TRPV5: variants seen among roughly 807,000 people sequenced by gnomAD.
TRPV5 encodes the protein calcium transport protein 2.
In TRPV5, 66 loss-of-function variants were observed where a neutral mutation model predicts 74.1. The observed-to-expected ratio is 0.89, with a 90% CI of 0.73 to 1.09. The LOEUF (loss-of-function observed/expected upper bound fraction) is 1.09. Ranked by LOEUF, TRPV5 falls within the 50% of genes least tolerant of loss-of-function variation. The pLI is 0.00. For missense variants in TRPV5, 936 were observed against 930.4 expected, an observed-to-expected ratio of 1.01 and a Z score of -0.08; for synonymous variants, 399 against 360.7, an observed-to-expected ratio of 1.11 and a Z score of -1.20.
intron 13 of TRPV5, 84 bp from the exon 14 acceptor site, chr7:142,909,680 C>A: frequency 7.0e-7 from 1 of 1,425,678 alleles, no homozygotes; most frequent in South Asian, 1.2e-5. Context: ...TAAAGGGAAC[C>A]AAAGGCAATC....
chr7:142,910,587 C>T (rs1795688316), intron 13 of TRPV5, among the ~76,000 whole-genome samples: 1 of 152,194 alleles, frequency 6.6e-6, no homozygotes, highest in African/African-American at 2.4e-5. Flanking sequence ...GGAGTGCAAT[C>T]TTCAAAATAG....
intron 8 of TRPV5, among the ~76,000 whole-genome samples, chr7:142,923,821 C>A (rs1795923115): frequency 6.6e-6 from 1 of 152,156 alleles, no homozygotes; most frequent in Non-Finnish European, 1.5e-5. Context: ...AAGAGACACA[C>A]AGGAAGGAGA....
chr7:142,930,021 A>G (rs767951956), intron 3 of TRPV5, 37 bp downstream of exon 3: 1 of 1,613,392 alleles, frequency 6.2e-7, no homozygotes, highest in East Asian at 2.2e-5. Flanking sequence ...CCTCCATCTC[A>G]AAGTTTCCAC....
chr7:142,931,030 T>TTA (rs1796083114), intron 1 of TRPV5, among the ~76,000 whole-genome samples: 1 of 146,784 alleles, frequency 6.8e-6, no homozygotes, highest in African/African-American at 2.5e-5. Context: ...TTTTTTTTTT[T>TTA]TTTTTTTTTT....
rs1418648542 is a variant in TRPV5, at chr7:142,910,807, G to A, written c.1789-1211C>T. Among the ~76,000 whole-genome samples, 2 of 152,162 alleles carry A rather than the reference G, an allele frequency of 1.3e-5. 1 individual carries two copies. The highest frequency in any genetic ancestry group is 1.3e-4 in the Admixed American group (2 of 15,276). ...CAGCCCCGTCCTTCCTCGGGTAACA[G>A]CACCCATTTTTCATTTAGGGAATTG... On this transcript the variant is annotated intron_variant, in intron 13 of 14. Coordinates refer to ENST00000265310, the MANE Select transcript of TRPV5 (RefSeq NM_019841.7).
chr7:142,928,359 T>C, intron 6 of TRPV5, 125 bp from the exon 7 acceptor site: 1 of 1,040,588 alleles, frequency 9.6e-7, no homozygotes, highest in Non-Finnish European at 1.5e-6. Context: ...CCAGCAAACC[T>C]CTGCATCTAC....
intron 10 of TRPV5, 59 bp from the exon 11 acceptor site, chr7:142,915,105 G>A: frequency 6.3e-7 from 1 of 1,586,668 alleles, no homozygotes; most frequent in Non-Finnish European, 8.6e-7. Context: ...GGTCCCTACA[G>A]CATAGTGGTG....
chr7:142,932,712 GC>G (rs1334839202), intron 1 of TRPV5, among the ~76,000 whole-genome samples: 1 of 152,164 alleles, frequency 6.6e-6, no homozygotes. Flanking sequence ...AGGTGTGCTA[GC>G]CCTGCCCGAA....
intron 8 of TRPV5, chr7:142,925,221 T>C: frequency 1.8e-6 from 1 of 563,830 alleles, no homozygotes; most frequent in Non-Finnish European, 3.2e-6. Flanking sequence ...ACCTTGAACA[T>C]CCCACTAAAA....
chr7:142,925,386 A>G, intron 8 of TRPV5, 143 bp downstream of exon 8: 1 of 761,486 alleles, frequency 1.3e-6, no homozygotes, highest in Non-Finnish European at 2.2e-6. Flanking sequence ...TCCTGGTCTC[A>G]TGTCTAATTT....
intron 8 of TRPV5, chr7:142,924,937 T>G (rs1362466332): frequency 6.3e-6 from 1 of 157,720 alleles, no homozygotes; most frequent in Non-Finnish European, 1.4e-5. Context: ...ACCCTAGTTT[T>G]CCCTTGGCCA....
In TRPV5 at chr7:142,908,289, G is replaced by T. The variant is rs1795641019; in HGVS notation, c.*225C>A. ...GCCAACCTCCTTTTTCCTGAGATGGGTGACTTGCAAGAGCCCAGAAAATAC... is the reference window on the plus strand; with the variant it reads ...GCCAACCTCCTTTTTCCTGAGATGGTTGACTTGCAAGAGCCCAGAAAATAC... On this transcript the variant is annotated 3_prime_UTR_variant, in exon 15 of 15. Transcript: ENST00000265310. 2 of 585,614 alleles carry T rather than the reference G, an allele frequency of 3.4e-6. No homozygotes were observed. The highest frequency in any genetic ancestry group is 1.9e-5 in the African/African-American group (1 of 53,716). The allele number at this position is 585,614 out of a possible 1,614,324, so 36.3% of individuals were successfully genotyped here.
rs751437788 is a variant in TRPV5 at position 142,925,588 on chromosome 7, G to A, written c.1063C>T (p.Arg355Cys). 6.5e-5 allele frequency: 105 copies of A among 1,614,060 alleles called. No individual in the cohort carries two copies. Among genetic ancestry groups the A allele is most frequent in the Non-Finnish European group, 8.1e-5 (95 of 1,180,048 alleles). Residue 355 changes from arginine to cysteine, a missense_variant, in exon 8 of 15, where the codon CGT becomes TGT. Arg to Cys is a radical substitution (Grantham distance 180). Coordinates refer to ENST00000265310, the MANE Select transcript of TRPV5 (RefSeq NM_019841.7). ...CGAGAATGAGTGCGGTTGCCACCAC[G>A]AAACTTAAGGGGGCGGTAGACGCAG... ...TCCVYRPLKF[R>C]GGNRTHSRDI...
chr7:142,919,151 G>C (rs1041492314), intron 8 of TRPV5, among the ~76,000 whole-genome samples: 1 of 152,186 alleles, frequency 6.6e-6, no homozygotes, highest in Non-Finnish European at 1.5e-5. Flanking sequence ...TCCATGCCCA[G>C]GTCATGTGTC....
At chr7:142,909,419 G>C in intron 14 of TRPV5, 71 bp downstream of exon 14, 6 of 1,526,640 alleles carry the variant, frequency 3.9e-6, no homozygotes, top group Non-Finnish European at 4.5e-6. Context: ...GCTCCAGGAC[G>C]CCTGTCGGTC....
In TRPV5 at chr7:142,918,794, C is replaced by G. The variant is rs534431067; in HGVS notation, c.1123-3226G>C. ...AGGGGCTGTCCAGGACGCAGTTGCT[C>G]TCTATCAGATCTGCCACTTGATTTG... On this transcript the variant is annotated intron_variant, in intron 8 of 14. Transcript: ENST00000265310. Among the ~76,000 whole-genome samples the G allele has an allele frequency of 3.3e-5, 5 of 152,292 alleles. No homozygotes were observed. The South Asian group carries it at 1.0e-3, about 32-fold the overall frequency.
In TRPV5 at chr7:142,914,940, C is replaced by A. The variant is rs372849719; in HGVS notation, c.1393G>T (p.Val465Phe). ...TGGAATCCTCGAGTGAAATACATGA[C>A]ACTGCACCAGCCCAGCACCAGGGCA... is the stretch of plus-strand genomic sequence containing the variant. ...SFALVLGWCSVMYFTRGFQML... is the reference protein window; with the variant it reads ...SFALVLGWCSFMYFTRGFQML... Residue 465 changes from valine to phenylalanine, a missense_variant, in exon 11 of 15, where the codon GTC becomes TTC. Physicochemically the swap from Val to Phe is conservative, Grantham distance 50 (BLOSUM62 -1). Coordinates refer to ENST00000265310, the MANE Select transcript of TRPV5 (RefSeq NM_019841.7). The A allele has an allele frequency of 5.6e-6, 9 of 1,614,162 alleles. No homozygotes were observed. Among genetic ancestry groups the A allele is most frequent in the Non-Finnish European group, 6.8e-6 (8 of 1,180,026 alleles).
chr7:142,922,589 A>G (rs1795903664), intron 8 of TRPV5, among the ~76,000 whole-genome samples: 1 of 152,204 alleles, frequency 6.6e-6, no homozygotes, highest in African/African-American at 2.4e-5. Context: ...TAGTCATTTT[A>G]CTAGCTTCCT....
At position 142,925,511 on chromosome 7, in the gene TRPV5, C is replaced by T. The variant is rs370543227; in HGVS notation, c.1122+18G>A. ...CCCTTGATGCAATTCTCTCTCATCC[C>T]CTTCTGAGGAGAATCACCTGTAGTA... On this transcript the variant is annotated intron_variant, in intron 8 of 14. Transcript: ENST00000265310. 1.2e-6 allele frequency: 2 copies of T among 1,613,224 alleles called. No individual in the cohort carries two copies. The highest frequency in any genetic ancestry group is 1.3e-5 in the African/African-American group (1 of 75,026).
Sources: allele counts gnomAD v4.1 joint callset (sites outside exome capture counted in the v4.1 genomes callset), GRCh38; gene constraint gnomAD v4.1.1; transcripts MANE v1.5; gene names NCBI Gene and HGNC (gene_info 2026-07-23, HGNC 2026-07-21).